Variants in AGO3 observed in about 807,000 individuals in gnomAD.
AGO3 encodes the protein protein argonaute-3.
A neutral mutation model predicts 105.5 loss-of-function variants in AGO3; 16 were observed. That is an observed-to-expected ratio of 0.15 (90% CI 0.10 to 0.23). The LOEUF is 0.23. Ranked by LOEUF, AGO3 falls within the 10% of genes least tolerant of loss-of-function variation. AGO3 has a pLI of 1.00. For synonymous variants in AGO3, 340 were observed against 367.3 expected, an observed-to-expected ratio of 0.93 and a Z score of 0.85; for missense variants, 534 against 1,088.0, an observed-to-expected ratio of 0.49 and a Z score of 7.16.
At chr1:35,941,597 G>C (rs1404993745) in intron 1 of AGO3, among the ~76,000 whole-genome samples, 1 of 152,106 alleles carries the variant, frequency 6.6e-6, no homozygotes, top group East Asian at 1.9e-4. Flanking sequence ...CTACTTACTA[G>C]CTATAAAAAT....
rs1043417534 is a variant in AGO3, at chr1:35,997,922, C to T, written c.659-6419C>T. ...ATGTTGGCCAGGCTGGTCTCGAACT[C>T]CTGACCTCAGGTGATCCACCCGCCT... On this transcript the variant is annotated intron_variant, in intron 5 of 18. Transcript: ENST00000373191. 2.6e-5 allele frequency among the ~76,000 whole-genome samples: 4 copies of T among 152,126 alleles called. No individual in the cohort carries two copies. The East Asian group carries it at 5.8e-4, about 22-fold the overall frequency.
At chr1:36,039,460 C>T (rs1468020568) in intron 14 of AGO3, among the ~76,000 whole-genome samples, 1 of 142,854 alleles carries the variant, frequency 7.0e-6, no homozygotes, top group Non-Finnish European at 1.5e-5. Flanking sequence ...TGCCACTGCA[C>T]TCCAGGCTGA....
At chr1:35,989,348 C>A (rs1647401759) in intron 5 of AGO3, among the ~76,000 whole-genome samples, 1 of 152,150 alleles carries the variant, frequency 6.6e-6, no homozygotes, top group South Asian at 2.1e-4. Flanking sequence ...CAATCTAAGA[C>A]TCAAAATTTT....
intron 2 of AGO3, among the ~76,000 whole-genome samples, chr1:35,955,541 A>G (rs1646548848): frequency 6.6e-6 from 1 of 152,120 alleles, no homozygotes; most frequent in Non-Finnish European, 1.5e-5. Flanking sequence ...CTTGAACTAC[A>G]GAAAGTTGCA....
At chr1:36,024,622 G>C (rs59573856) in intron 11 of AGO3, among the ~76,000 whole-genome samples, 2,322 of 152,270 alleles carry the variant, frequency 0.015, 49 homozygotes, top group African/African-American at 0.053. Context: ...TGTGACGAAA[G>C]CTACTCTGAA....
At chr1:36,004,575 T>A in intron 6 of AGO3, 100 bp downstream of exon 6, 1 of 1,091,402 alleles carries the variant, frequency 9.2e-7, no homozygotes, top group South Asian at 2.7e-5. Context: ...CTATGTAACA[T>A]AACCAGTAAA....
chr1:35,933,647 A>C (rs1207759718), intron 1 of AGO3, among the ~76,000 whole-genome samples: 1 of 147,812 alleles, frequency 6.8e-6, no homozygotes, highest in East Asian at 2.1e-4. Context: ...TCTCAAAAAA[A>C]AAAAAAAAAA....
intron 5 of AGO3, among the ~76,000 whole-genome samples, chr1:35,987,829 G>A (rs1432885241): frequency 6.6e-6 from 1 of 151,618 alleles, no homozygotes; most frequent in African/African-American, 2.4e-5. Context: ...CAGCACTTTG[G>A]AAGGCCTAGG....
rs1210295019 is a variant in AGO3, at chr1:35,952,136, CTTTCTTTCTTTCTT to C, written c.191+6277_191+6290del. Among the ~76,000 whole-genome samples the C allele has an allele frequency of 1.1e-4, 12 of 111,522 alleles. 2 individuals carry two copies. The highest frequency in any genetic ancestry group is 5.3e-4 in the African/African-American group (12 of 22,530). 73.2% of individuals were successfully genotyped at this position (111,522 alleles called of 152,430 possible). A position where few individuals can be genotyped will look rare whatever the true frequency, so the allele number is the denominator to read the frequency against. Reference sequence around the variant, plus strand: ...TCTTTCTTTCTTTCTTTCTTTCTTTCTTTCTTTCTTTCTTTTTTTTTTTTTTTTTTGACAGAGTC... The same window carrying C: ...TCTTTCTTTCTTTCTTTCTTTCTTTCTTTTTTTTTTTTTTTTGACAGAGTC... On this transcript the variant is annotated intron_variant, in intron 2 of 18. Coordinates refer to ENST00000373191, the MANE Select transcript of AGO3 (RefSeq NM_024852.4).
At position 36,038,477 on chromosome 1, in the gene AGO3, G is replaced by C. The variant is rs189338751; in HGVS notation, c.1843-1313G>C. ...TCACTGTGTTAGCCAGGATGGTCTT[G>C]ATCTCCTGACCTTGTGATTCGCCCA... On this transcript the variant is annotated intron_variant, in intron 14 of 18. Transcript: ENST00000373191. Among the ~76,000 whole-genome samples the C allele has an allele frequency of 6.9e-3, 1,043 of 152,100 alleles. 8 individuals are homozygous for C. The highest frequency in any genetic ancestry group is 0.024 in the African/African-American group (989 of 41,504).
intron 5 of AGO3, among the ~76,000 whole-genome samples, chr1:35,983,943 G>A (rs528116580): frequency 6.6e-6 from 1 of 152,292 alleles, no homozygotes; most frequent in Admixed American, 6.5e-5. Flanking sequence ...AATGGTGGGA[G>A]CTGAAAGTAA....
At chr1:36,013,806 G>T in intron 10 of AGO3, 54 bp downstream of exon 10, 1 of 1,603,250 alleles carries the variant, frequency 6.2e-7, no homozygotes, top group African/African-American at 1.3e-5. Context: ...TAAGTATGAA[G>T]AGAAAGGCAT....
At chr1:36,039,457 G>A (rs1392233449) in intron 14 of AGO3, among the ~76,000 whole-genome samples, 1 of 138,680 alleles carries the variant, frequency 7.2e-6, no homozygotes, top group East Asian at 2.2e-4. Context: ...TTGTGCCACT[G>A]CACTCCAGGC....
chr1:35,936,745 T>A (rs1646154847), intron 1 of AGO3, among the ~76,000 whole-genome samples: 1 of 152,196 alleles, frequency 6.6e-6, no homozygotes, highest in Non-Finnish European at 1.5e-5. Flanking sequence ...ATTAAAAAAA[T>A]ATTTTTTGTA....
intron 11 of AGO3, among the ~76,000 whole-genome samples, chr1:36,021,381 A>G (rs1343575156): frequency 6.6e-6 from 1 of 152,214 alleles, no homozygotes; most frequent in African/African-American, 2.4e-5. Flanking sequence ...TCTGTGGCCT[A>G]CAATAGTTTA....
chr1:36,043,892 A>G (rs1642353291), intron 17 of AGO3, among the ~76,000 whole-genome samples: 1 of 152,138 alleles, frequency 6.6e-6, no homozygotes, highest in Admixed American at 6.6e-5. Context: ...AGAAAGAGAA[A>G]GCACTATTTT....
chr1:36,050,760 C>T (rs1457659876), intron 17 of AGO3, among the ~76,000 whole-genome samples: 4 of 150,654 alleles, frequency 2.7e-5, no homozygotes, highest in Admixed American at 2.0e-4. Context: ...ATTGCACACT[C>T]CAGCCTGGGT....
At chr1:35,963,041 A>G (rs1646707020) in intron 2 of AGO3, among the ~76,000 whole-genome samples, 1 of 152,344 alleles carries the variant, frequency 6.6e-6, no homozygotes, top group Non-Finnish European at 1.5e-5. Context: ...AGGAGCCTCA[A>G]GGAGTGCAGG....
intron 5 of AGO3, among the ~76,000 whole-genome samples, chr1:36,001,305 A>G (rs1436962722): frequency 1.3e-5 from 2 of 152,162 alleles, no homozygotes. Flanking sequence ...AAATAAATAC[A>G]TACACATACG....
Sources: allele counts gnomAD v4.1 joint callset (sites outside exome capture counted in the v4.1 genomes callset), GRCh38; gene constraint gnomAD v4.1.1; transcripts MANE v1.5; gene names NCBI Gene and HGNC (gene_info 2026-07-23, HGNC 2026-07-21).